Variants in GPC5 observed in about 807,000 individuals in gnomAD.
GPC5 encodes the protein glypican-5.
In GPC5, 47 loss-of-function variants were observed where a neutral mutation model predicts 53.9. The observed-to-expected ratio is 0.87, with a 90% CI of 0.69 to 1.11. The LOEUF (loss-of-function observed/expected upper bound fraction) is 1.11. Among genes scored for constraint, GPC5 ranks in the 50% most tolerant of loss-of-function variants. The pLI is 0.00. For missense variants in GPC5, 748 were observed against 713.1 expected, an observed-to-expected ratio of 1.05 and a Z score of -0.56; for synonymous variants, 286 against 263.3, an observed-to-expected ratio of 1.09 and a Z score of -0.84.
intron 7 of GPC5, among the ~76,000 whole-genome samples, chr13:92,265,815 C>A (rs376778057): frequency 2.6e-5 from 4 of 152,138 alleles, no homozygotes; most frequent in Non-Finnish European, 5.9e-5. Flanking sequence ...ATACCTCAGA[C>A]CCTGGATAAT....
intron 7 of GPC5, among the ~76,000 whole-genome samples, chr13:92,757,270 C>T (rs1874925839): frequency 6.6e-6 from 1 of 152,206 alleles, no homozygotes; most frequent in Admixed American, 6.5e-5. Flanking sequence ...GGAAAACTGG[C>T]TAGCCATATG....
At chr13:92,426,691 C>A (rs530548008) in intron 7 of GPC5, among the ~76,000 whole-genome samples, 1 of 151,952 alleles carries the variant, frequency 6.6e-6, no homozygotes, top group Admixed American at 6.6e-5. Flanking sequence ...CAGTATAGCT[C>A]TTATGCTTTG....
chr13:92,158,842 G>A (rs2041964940), intron 7 of GPC5, among the ~76,000 whole-genome samples: 1 of 152,172 alleles, frequency 6.6e-6, no homozygotes, highest in Admixed American at 6.5e-5. Context: ...AAGGAGAGGA[G>A]GCTGGTTCGG....
At chr13:92,007,726 C>A (rs1437033278) in intron 6 of GPC5, among the ~76,000 whole-genome samples, 1 of 152,032 alleles carries the variant, frequency 6.6e-6, no homozygotes, top group Non-Finnish European at 1.5e-5. Flanking sequence ...AATTATAGTT[C>A]TCCTACTTGC....
At chr13:92,125,860 T>C (rs2041690067) in intron 6 of GPC5, among the ~76,000 whole-genome samples, 2 of 150,894 alleles carry the variant, frequency 1.3e-5, no homozygotes, top group East Asian at 3.9e-4. Context: ...TATATGTGAG[T>C]TGAGTTGGAC....
chr13:91,647,437 G>T (rs2034588604), intron 2 of GPC5, among the ~76,000 whole-genome samples: 1 of 152,126 alleles, frequency 6.6e-6, no homozygotes, highest in African/African-American at 2.4e-5. Flanking sequence ...AGTAGTGATG[G>T]CAATGGCCTT....
chr13:91,589,736 GTGTC>G (rs754372191), intron 2 of GPC5, among the ~76,000 whole-genome samples: 9 of 152,084 alleles, frequency 5.9e-5, no homozygotes, highest in Admixed American at 2.6e-4. Context: ...GAGGATCTGA[GTGTC>G]TGGGTGGCCA....
chr13:92,362,846 T>G (rs2043579064), intron 7 of GPC5, among the ~76,000 whole-genome samples: 1 of 151,758 alleles, frequency 6.6e-6, no homozygotes, highest in South Asian at 2.1e-4. Context: ...CAATATTACT[T>G]TAATGCAGGT....
At chr13:91,567,636 T>G (rs1426739985) in intron 2 of GPC5, among the ~76,000 whole-genome samples, 1 of 152,174 alleles carries the variant, frequency 6.6e-6, no homozygotes, top group East Asian at 1.9e-4. Context: ...TTAATTAGGA[T>G]ACTGCCAGCT....
chr13:91,849,021 A>G (rs1435895178), intron 5 of GPC5, among the ~76,000 whole-genome samples: 1 of 152,228 alleles, frequency 6.6e-6, no homozygotes, highest in African/African-American at 2.4e-5. Flanking sequence ...GGGCAGATCG[A>G]CAACTGCCGT....
At chr13:92,511,626 C>T (rs1333911926) in intron 7 of GPC5, among the ~76,000 whole-genome samples, 2 of 152,160 alleles carry the variant, frequency 1.3e-5, no homozygotes, top group East Asian at 3.8e-4. Context: ...ACTTTGTGCT[C>T]TCATATTTTT....
chr13:92,408,531 G>T (rs1252692935), intron 7 of GPC5, among the ~76,000 whole-genome samples: 1 of 151,796 alleles, frequency 6.6e-6, no homozygotes, highest in Non-Finnish European at 1.5e-5. Context: ...ATCTATATTT[G>T]TGCAGTGATA....
chr13:92,710,102 C>T (rs528027647), intron 7 of GPC5, among the ~76,000 whole-genome samples: 1 of 152,252 alleles, frequency 6.6e-6, no homozygotes, highest in East Asian at 1.9e-4. Context: ...ACATAAACTT[C>T]CAGAATAACT....
chr13:92,621,945 A>ATAAT (rs1263767156), intron 7 of GPC5, among the ~76,000 whole-genome samples: 1 of 152,280 alleles, frequency 6.6e-6, no homozygotes, highest in East Asian at 1.9e-4. Flanking sequence ...AACAACAATA[A>ATAAT]TAATAATAAT....
chr13:91,716,722 A>G (rs1033403192), intron 3 of GPC5, among the ~76,000 whole-genome samples: 1 of 152,210 alleles, frequency 6.6e-6, no homozygotes, highest in African/African-American at 2.4e-5. Context: ...GGAATGTTAT[A>G]GGTAAGTAGA....
At chr13:92,085,777 T>C (rs1023043961) in intron 6 of GPC5, among the ~76,000 whole-genome samples, 3 of 152,088 alleles carry the variant, frequency 2.0e-5, no homozygotes, top group African/African-American at 7.2e-5. Context: ...ACAACCTAGA[T>C]CCCTCGCATG....
chr13:92,715,000 A>C (rs1594447661), intron 7 of GPC5, among the ~76,000 whole-genome samples: 1 of 152,194 alleles, frequency 6.6e-6, no homozygotes, highest in Middle Eastern at 3.4e-3. Flanking sequence ...GGGAGGCAGA[A>C]GTTGCAGTGA....
intron 5 of GPC5, among the ~76,000 whole-genome samples, chr13:91,865,875 C>CT (rs1394695860): frequency 2.0e-5 from 3 of 151,332 alleles, no homozygotes; most frequent in South Asian, 2.1e-4. Context: ...ACAATGAATA[C>CT]TTTTTTTTTG....
chr13:92,585,894 C>T (rs1219887920), intron 7 of GPC5, among the ~76,000 whole-genome samples: 2 of 152,114 alleles, frequency 1.3e-5, no homozygotes, highest in Admixed American at 6.5e-5. Flanking sequence ...TTCATCCTTG[C>T]CATCTGCCAT....
Sources: allele counts gnomAD v4.1 joint callset (sites outside exome capture counted in the v4.1 genomes callset), GRCh38; gene constraint gnomAD v4.1.1; transcripts MANE v1.5; gene names NCBI Gene and HGNC (gene_info 2026-07-23, HGNC 2026-07-21).